Variants in ZNF680 observed in about 807,000 individuals in gnomAD.
ZNF680 encodes the protein hypothetical protein FLJ90430.
Under a neutral mutation model 12.1 loss-of-function variants are expected in ZNF680, and 6 were observed. The ratio of observed to expected loss-of-function variants is 0.49; its 90% CI spans 0.27 to 0.98. ZNF680 has a LOEUF of 0.98. Ranked by LOEUF, ZNF680 falls within the 50% of genes least tolerant of loss-of-function variation. The pLI is 0.12. For missense variants in ZNF680, 561 were observed against 616.3 expected (o/e 0.91, Z 0.95); for synonymous variants, 170 against 199.3 (o/e 0.85, Z 1.24).
chr7:64,519,051 A>G (rs1302864501), downstream of ZNF680, among the ~76,000 whole-genome samples: 2 of 152,020 alleles, frequency 1.3e-5, no homozygotes, highest in African/African-American at 4.8e-5. Context: ...GAGTTAACAG[A>G]CAACCCACAG....
chr7:64,533,511 C>T (rs1001869660), intron 3 of ZNF680, among the ~76,000 whole-genome samples: 21 of 151,950 alleles, frequency 1.4e-4, no homozygotes, highest in Non-Finnish European at 1.9e-4. Context: ...TGAAAAAAAT[C>T]ATAGACAACA....
At chr7:64,514,796 C>A in the ZNF680 span, among the ~76,000 whole-genome samples, 5 of 152,318 alleles carry the variant, frequency 3.3e-5, no homozygotes, top group Non-Finnish European at 7.3e-5. Context: ...ATAATCCCAG[C>A]ACTTTGGGAG....
At chr7:64,534,851 T>C (rs1231113233) in intron 3 of ZNF680, among the ~76,000 whole-genome samples, 1 of 152,306 alleles carries the variant, frequency 6.6e-6, no homozygotes, top group East Asian at 1.9e-4. Context: ...CCAATGGCAT[T>C]TGCAGTGACC....
chr7:64,513,068 T>C, the ZNF680 span, among the ~76,000 whole-genome samples: 2 of 152,152 alleles, frequency 1.3e-5, no homozygotes, highest in Non-Finnish European at 2.9e-5. Context: ...TGCTTCACAA[T>C]GAGTAAGGCC....
intron 1 of ZNF680, among the ~76,000 whole-genome samples, chr7:64,556,992 T>G (rs1295430496): frequency 6.6e-6 from 1 of 152,258 alleles, no homozygotes. Context: ...GGCTCACGCC[T>G]GTAATCCGAG....
intron 3 of ZNF680, among the ~76,000 whole-genome samples, chr7:64,522,980 T>C (rs1791626662): frequency 6.6e-6 from 1 of 151,594 alleles, no homozygotes; most frequent in South Asian, 2.1e-4. Context: ...TGAAAAAGTA[T>C]ATTGGCACTG....
At chr7:64,513,244 T>C in the ZNF680 span, among the ~76,000 whole-genome samples, 2 of 152,104 alleles carry the variant, frequency 1.3e-5, no homozygotes, top group African/African-American at 4.8e-5. Flanking sequence ...ATGCAAGGTA[T>C]GCAAAAGCAG....
chr7:64,507,574 T>C, the ZNF680 span, among the ~76,000 whole-genome samples: 2 of 151,420 alleles, frequency 1.3e-5, no homozygotes, highest in East Asian at 3.9e-4. Context: ...GTGCAATGGC[T>C]CACCGCAACC....
chr7:64,541,083 T>C (rs1012468764), intron 3 of ZNF680, among the ~76,000 whole-genome samples: 6 of 152,186 alleles, frequency 3.9e-5, no homozygotes, highest in Non-Finnish European at 8.8e-5. Context: ...AAAAATTATA[T>C]ATTTTGCAGA....
At chr7:64,508,601 A>T in the ZNF680 span, among the ~76,000 whole-genome samples, 1 of 152,122 alleles carries the variant, frequency 6.6e-6, no homozygotes, top group Admixed American at 6.6e-5. Flanking sequence ...CTTTACTTTC[A>T]TTTTTAGGAC....
downstream of ZNF680, among the ~76,000 whole-genome samples, chr7:64,515,809 C>A (rs1791341634): frequency 6.8e-6 from 1 of 146,718 alleles, no homozygotes; most frequent in Non-Finnish European, 1.5e-5. Flanking sequence ...ACACAGTGGG[C>A]TCCAGTGGGC....
chr7:64,534,657 T>C (rs1786063683), intron 3 of ZNF680, among the ~76,000 whole-genome samples: 1 of 152,214 alleles, frequency 6.6e-6, no homozygotes, highest in Non-Finnish European at 1.5e-5. Flanking sequence ...AATCCCACTA[T>C]TGGGTATCTA....
At chr7:64,558,048 T>C (rs935118647) in intron 1 of ZNF680, among the ~76,000 whole-genome samples, 2 of 152,192 alleles carry the variant, frequency 1.3e-5, no homozygotes, top group African/African-American at 4.8e-5. Flanking sequence ...AGGTGGAGGA[T>C]AGTGCAATGT....
At chr7:64,543,941 A>G in intron 2 of ZNF680, 139 bp from the exon 3 acceptor site, 1 of 753,296 alleles carries the variant, frequency 1.3e-6, no homozygotes, top group Non-Finnish European at 2.1e-6. Context: ...AGACATTTCT[A>G]AATATTTAGA....
chr7:64,504,210 T>G, the ZNF680 span, among the ~76,000 whole-genome samples: 1 of 152,186 alleles, frequency 6.6e-6, no homozygotes, highest in Non-Finnish European at 1.5e-5. Context: ...TCCATTTATA[T>G]TACCCTCTTT....
In ZNF680 at chr7:64,521,594, A is replaced by C; in HGVS notation, c.1160T>G (p.Phe387Cys). ...TTCAGTAAGGTTTGAGGACTGTATA[A>C]AAGCTTTGCCGCATTCTTCACATTT... ...SYKCEECGKA[F>C]IQSSNLTEHM... The change falls in exon 4 of 4, where the codon TTT (phenylalanine) becomes TGT (cysteine). Residue 387 changes from phenylalanine to cysteine, a missense_variant. Phe to Cys is a radical substitution (Grantham distance 205). Coordinates refer to ENST00000309683, the MANE Select transcript of ZNF680 (RefSeq NM_178558.5). 1 of 1,612,446 alleles carries C rather than the reference A, an allele frequency of 6.2e-7. No homozygotes were observed. The highest frequency in any genetic ancestry group is 1.1e-5 in the South Asian group (1 of 91,038).
At chr7:64,527,830 C>A (rs371219579) in intron 3 of ZNF680, among the ~76,000 whole-genome samples, 1 of 152,136 alleles carries the variant, frequency 6.6e-6, no homozygotes, top group Non-Finnish European at 1.5e-5. Context: ...CCAACTCAGG[C>A]GAACAAAGCA....
Position 64,521,733 on chromosome 7 carries a change from T to A in ZNF680, c.1021A>T (p.Lys341Ter). 1 of 1,612,742 alleles carries A rather than the reference T, an allele frequency of 6.2e-7. No individual in the cohort carries two copies. Among genetic ancestry groups the A allele is most frequent in the South Asian group, 1.1e-5 (1 of 91,058 alleles). Residue 341 changes from lysine to a stop codon, truncating the protein, a stop_gained, in exon 4 of 4, where the codon AAG (lysine) becomes TAG (stop). Coordinates refer to ENST00000309683, the MANE Select transcript of ZNF680 (RefSeq NM_178558.5). LOFTEE classifies it low-confidence loss of function (END_TRUNC). ...GGTTTCTCTCCAGTATGAATTTTCT[T>A]ATGTTTAGTAAGGTTTGAAAACTGG... ...FNQFSNLTKH[K>*]KIHTGEKPYK... is the part of the protein sequence containing the mutation.
intron 3 of ZNF680, among the ~76,000 whole-genome samples, chr7:64,541,346 G>C (rs1786488942): frequency 6.6e-6 from 1 of 151,994 alleles, no homozygotes; most frequent in Non-Finnish European, 1.5e-5. Context: ...CAGTAAGATG[G>C]AAAAATAAAA....
Sources: gnomAD v4.1 joint callset for allele counts (sites outside exome capture counted in the v4.1 genomes callset) on GRCh38, gnomAD v4.1.1 for gene constraint, MANE v1.5 for transcripts, NCBI Gene and HGNC (gene_info 2026-07-23, HGNC 2026-07-21) for gene names.